Variants in TPM3 observed in about 807,000 individuals in gnomAD.
TPM3 encodes the protein tropomyosin alpha-3 chain.
In TPM3, 16 loss-of-function variants were observed where a neutral mutation model predicts 43.1. That is an observed-to-expected ratio of 0.37 (90% CI 0.25 to 0.56). The LOEUF (loss-of-function observed/expected upper bound fraction) is 0.56, where lower values mean the gene tolerates loss of function less well. Ranked by LOEUF, TPM3 falls within the 20% of genes least tolerant of loss-of-function variation. The pLI is 0.77. For missense variants in TPM3, 176 were observed against 337.2 expected, an observed-to-expected ratio of 0.52 and a Z score of 3.74; for synonymous variants, 101 against 116.9, an observed-to-expected ratio of 0.86 and a Z score of 0.88.
chr1:154,183,185 C>T (rs547288283), intron 2 of TPM3: 2 of 1,593,578 alleles, frequency 1.3e-6, no homozygotes, highest in African/African-American at 2.7e-5. Context: ...GCAGCCTCCT[C>T]TCACCCTTAC....
At chr1:154,182,448 C>T (rs1000215533) in intron 2 of TPM3, among the ~76,000 whole-genome samples, 1 of 152,222 alleles carries the variant, frequency 6.6e-6, no homozygotes, top group African/African-American at 2.4e-5. Context: ...ACTGCTGCCT[C>T]ATTTCCTGAG....
chr1:154,177,651 A>G (rs544880104), intron 2 of TPM3, among the ~76,000 whole-genome samples: 460 of 152,302 alleles, frequency 3.0e-3, no homozygotes, highest in Admixed American at 5.5e-3. Context: ...TCTCTTCTAT[A>G]GCCCAGATTG....
intron 2 of TPM3, among the ~76,000 whole-genome samples, chr1:154,184,017 G>A (rs1400556591): frequency 1.3e-5 from 2 of 151,638 alleles, no homozygotes; most frequent in African/African-American, 4.8e-5. Flanking sequence ...ACGCCACCCC[G>A]TCAGGCTCCC....
chr1:154,177,831 G>A (rs999061887), intron 2 of TPM3, among the ~76,000 whole-genome samples: 5 of 152,186 alleles, frequency 3.3e-5, no homozygotes, highest in Non-Finnish European at 5.9e-5. Flanking sequence ...AAGCTGAAGA[G>A]ACTAGGAAGG....
At chr1:154,170,325 GAA>G in intron 8 of TPM3, 73 bp downstream of exon 8, 1 of 1,528,884 alleles carries the variant, frequency 6.5e-7, no homozygotes, top group Non-Finnish European at 9.1e-7. Context: ...TTGGTGTACA[GAA>G]AAAGAGATTA....
At position 154,167,425 on chromosome 1, in the gene TPM3, A is replaced by G. The variant is rs1661101806; in HGVS notation, c.*512T>C. 1 of 1,069,226 alleles carries G rather than the reference A, an allele frequency of 9.4e-7. No individual in the cohort carries two copies. Among genetic ancestry groups the G allele is most frequent in the East Asian group, 5.0e-5 (1 of 20,038 alleles). 66.2% of individuals were successfully genotyped at this position (1,069,226 alleles called of 1,614,324 possible). On this transcript the variant is annotated 3_prime_UTR_variant, in exon 10 of 10. Transcript: ENST00000651641. ...CTTCTCAATGACACCACACCAAAGG[A>G]GGAATACCTGAAGAGAGAATGGAAA...
At position 154,183,693 on chromosome 1, in the gene TPM3, C is replaced by T. The variant is rs1440269510; in HGVS notation, c.244-7445G>A. ...GGTTCAAAAGAGCCCCACTCAGTCT[C>T]CTTTCAAAGTCGGCTCAGGTAGGTA... On this transcript the variant is annotated intron_variant, in intron 2 of 9. Transcript: ENST00000651641. 6 of 176,208 alleles carry T rather than the reference C, an allele frequency of 3.4e-5. No individual in the cohort carries two copies. In the East Asian group the frequency reaches 4.5e-4, roughly 13 times the overall value. 10.9% of individuals were successfully genotyped at this position (176,208 alleles called of 1,614,324 possible). A position where few individuals can be genotyped will look rare whatever the true frequency, so the allele number is the denominator to read the frequency against.
intron 2 of TPM3, among the ~76,000 whole-genome samples, chr1:154,188,176 C>T (rs1223160083): frequency 6.6e-6 from 1 of 151,572 alleles, no homozygotes; most frequent in Non-Finnish European, 1.5e-5. Context: ...CCATCTCAGC[C>T]TCTGGAGTAC....
At chr1:154,177,279 C>T (rs1389514291) in intron 2 of TPM3, among the ~76,000 whole-genome samples, 1 of 152,126 alleles carries the variant, frequency 6.6e-6, no homozygotes, top group Non-Finnish European at 1.5e-5. Flanking sequence ...ATTTCCACCA[C>T]ACCCACTACC....
chr1:154,174,390 A>ATATATATG (rs1431721691), intron 3 of TPM3, among the ~76,000 whole-genome samples: 1 of 105,964 alleles, frequency 9.4e-6, no homozygotes, highest in Non-Finnish European at 1.8e-5. Context: ...ATATATATAT[A>ATATATATG]TATATATATA....
downstream of TPM3, chr1:154,155,488 G>A: frequency 4.2e-6 from 1 of 238,138 alleles, no homozygotes; most frequent in East Asian, 6.1e-5. Context: ...ACTTTGTCAA[G>A]GGAACCGTGT....
chr1:154,158,820 G>A, downstream of TPM3: 1 of 669,688 alleles, frequency 1.5e-6, no homozygotes, highest in Admixed American at 2.1e-5. Flanking sequence ...ATGCTGTTAG[G>A]AAATCAACAT....
rs1042959208 is a variant in TPM3, at chr1:154,166,019, T to A, written c.*1918A>T. Among the ~76,000 whole-genome samples, 7 of 152,148 alleles carry A rather than the reference T, an allele frequency of 4.6e-5. No individual in the cohort carries two copies. Among genetic ancestry groups the A allele is most frequent in the Non-Finnish European group, 1.0e-4 (7 of 68,044 alleles). ...CTAAGCAACTTGAGAGTAGGAATGG[T>A]GCCTCCATCTTTATTTCTGTCTCCA... On this transcript the variant is annotated 3_prime_UTR_variant, in exon 10 of 10. Transcript: ENST00000651641.
At chr1:154,172,738 T>A in intron 5 of TPM3, 170 bp downstream of exon 5, 1 of 806,732 alleles carries the variant, frequency 1.2e-6, no homozygotes, top group East Asian at 2.5e-5. Flanking sequence ...GTCAGGAGAA[T>A]AAGGAAGCCT....
chr1:154,191,470 T>G (rs916812280), intron 1 of TPM3, among the ~76,000 whole-genome samples, 159 bp from the exon 2 acceptor site: 3 of 152,200 alleles, frequency 2.0e-5, no homozygotes, highest in African/African-American at 7.2e-5. Context: ...TCAGGAGTTA[T>G]GCCGTAGCTT....
In TPM3 at chr1:154,166,654, A is replaced by G; in HGVS notation, c.*1283T>C. 1 of 1,032,622 alleles carries G rather than the reference A, an allele frequency of 9.7e-7. No homozygotes were observed. The highest frequency in any genetic ancestry group is 1.2e-6 in the Non-Finnish European group (1 of 858,622). The allele number at this position is 1,032,622 out of a possible 1,614,324, so 64.0% of individuals were successfully genotyped here. Reference sequence around the variant, plus strand: ...AGTATAATTCACAGCTATACTATTAAGAAATCTCTGCTGTGTAAATTGGAA... The same window carrying G: ...AGTATAATTCACAGCTATACTATTAGGAAATCTCTGCTGTGTAAATTGGAA... On this transcript the variant is annotated 3_prime_UTR_variant, in exon 10 of 10. Transcript: ENST00000651641.
At chr1:154,158,210 A>T (rs371967771), downstream of TPM3, among the ~76,000 whole-genome samples, 116 of 152,344 alleles carry the variant, frequency 7.6e-4, 1 homozygote, top group South Asian at 0.023. Context: ...TGGGATAAAT[A>T]AAAGGGCGCT....
At chr1:154,181,853 G>A (rs1482189593) in intron 2 of TPM3, among the ~76,000 whole-genome samples, 3 of 152,066 alleles carry the variant, frequency 2.0e-5, no homozygotes, top group Admixed American at 2.0e-4. Flanking sequence ...CCCGGGAGGC[G>A]GAGGTTGCAA....
chr1:154,165,194 C>T lies in TPM3; in HGVS notation c.*2743G>A, dbSNP rs897448530. 6.6e-6 allele frequency among the ~76,000 whole-genome samples: 1 copy of T among 151,720 alleles called. No homozygotes were observed. The highest frequency in any genetic ancestry group is 1.5e-5 in the Non-Finnish European group (1 of 67,946). On this transcript the variant is annotated 3_prime_UTR_variant, in exon 10 of 10. Coordinates refer to ENST00000651641, the MANE Select transcript of TPM3 (RefSeq NM_152263.4). The stretch of plus-strand genomic sequence containing the variant: ...GTCAGGAGTTCGCGACCAGCCTGGC[C>T]AACATGCTGAAACCCCGTCCGTACT...
Sources: gnomAD v4.1 joint callset for allele counts (sites outside exome capture counted in the v4.1 genomes callset) on GRCh38, gnomAD v4.1.1 for gene constraint, MANE v1.5 for transcripts, NCBI Gene and HGNC (gene_info 2026-07-23, HGNC 2026-07-21) for gene names.